The following ZMYND8 variants were observed in gnomAD, a reference collection of about 807,000 sequenced individuals.
The protein encoded by ZMYND8 is MYND-type zinc finger-containing chromatin reader ZMYND8.
In ZMYND8, 37 loss-of-function variants were observed where a neutral mutation model predicts 140.8. That is an observed-to-expected ratio of 0.26 (90% CI 0.20 to 0.35). The LOEUF (loss-of-function observed/expected upper bound fraction) is 0.35. Ranked by LOEUF, ZMYND8 falls within the 10% of genes least tolerant of loss-of-function variation. The pLI is 1.00. For synonymous variants in ZMYND8, 592 were observed against 597.1 expected, an observed-to-expected ratio of 0.99 and a Z score of 0.12; for missense variants, 1,068 against 1,570.0, an observed-to-expected ratio of 0.68 and a Z score of 5.40.
At chr20:47,301,044 A>G (rs1214680026) in intron 3 of ZMYND8, among the ~76,000 whole-genome samples, 1 of 151,794 alleles carries the variant, frequency 6.6e-6, no homozygotes, top group Non-Finnish European at 1.5e-5. Context: ...CTTGATGAAG[A>G]GCCTTGTAGA....
intron 8 of ZMYND8, among the ~76,000 whole-genome samples, chr20:47,286,598 G>A (rs2076937978): frequency 6.6e-6 from 1 of 152,108 alleles, no homozygotes; most frequent in Non-Finnish European, 1.5e-5. Context: ...TTTTCTTTAT[G>A]AATGAATGGG....
At chr20:47,305,387 C>T (rs919213923) in intron 3 of ZMYND8, among the ~76,000 whole-genome samples, 9 of 151,788 alleles carry the variant, frequency 5.9e-5, no homozygotes, top group Admixed American at 1.3e-4. Context: ...ATTACAGGTG[C>T]GCACCACCAT....
chr20:47,292,048 A>G (rs1284992871), intron 5 of ZMYND8, among the ~76,000 whole-genome samples, 160 bp from the exon 6 acceptor site: 1 of 152,212 alleles, frequency 6.6e-6, no homozygotes, highest in Non-Finnish European at 1.5e-5. Context: ...AAATTGGTCT[A>G]CCTTCTAATT....
chr20:47,318,289 C>T (rs951673653), intron 2 of ZMYND8, among the ~76,000 whole-genome samples: 2 of 152,160 alleles, frequency 1.3e-5, no homozygotes, highest in South Asian at 2.1e-4. Flanking sequence ...TTCGTAATCA[C>T]CAGTCCTCCC....
rs779149000 is a variant in ZMYND8 at position 47,262,332 on chromosome 20, G to A, written c.1577C>T (p.Thr526Met). ...GCTGCCGGTGGTGGAGGTTTTGTCC[G>A]TTTTCGTCGTGATAGGAGCTGACAG... is the stretch of plus-strand genomic sequence containing the variant. ...PQLSAPITTK[T>M]DKTSTTGSIL... The change falls in exon 12 of 23, where the codon ACG becomes ATG. Residue 526 changes from threonine (T) to methionine (M), a missense_variant. Physicochemically the swap from Thr to Met is moderately conservative, Grantham distance 81. Coordinates refer to ENST00000471951, the MANE Select transcript of ZMYND8 (RefSeq NM_001281775.3). 25 of 1,613,858 alleles carry A rather than the reference G, an allele frequency of 1.5e-5. No individual in the cohort carries two copies. The highest frequency in any genetic ancestry group is 5.3e-5 in the African/African-American group (4 of 74,848).
rs538253216 is a variant in ZMYND8 at position 47,281,218 on chromosome 20, C to G, written c.998+884G>C. On this transcript the variant is annotated intron_variant, in intron 10 of 22. Coordinates refer to ENST00000471951, the MANE Select transcript of ZMYND8 (RefSeq NM_001281775.3). Reference sequence around the variant, plus strand: ...CTTCTGACAGTGGACCATTGGGATTCCTAGTAAATGAGTTTGCAAATGACT... The same window carrying G: ...CTTCTGACAGTGGACCATTGGGATTGCTAGTAAATGAGTTTGCAAATGACT... Among the ~76,000 whole-genome samples, 32 of 152,322 alleles carry G rather than the reference C, an allele frequency of 2.1e-4. No homozygotes were observed. In the South Asian group the frequency reaches 6.6e-3, roughly 32 times the overall value.
chr20:47,235,927 G>A (rs1028950641), intron 16 of ZMYND8, among the ~76,000 whole-genome samples: 1 of 152,134 alleles, frequency 6.6e-6, no homozygotes, highest in African/African-American at 2.4e-5. Context: ...ATCTCACCTT[G>A]CCAGTCTCAT....
chr20:47,283,790 G>A (rs1314424697), intron 8 of ZMYND8, 142 bp from the exon 9 acceptor site: 11 of 771,426 alleles, frequency 1.4e-5, no homozygotes, highest in Non-Finnish European at 2.3e-5. Context: ...CAACCACTAT[G>A]TATCGCTCCC....
chr20:47,310,251 T>C, intron 2 of ZMYND8, 47 bp from the exon 3 acceptor site: 1 of 1,549,040 alleles, frequency 6.5e-7, no homozygotes, highest in Non-Finnish European at 8.7e-7. Flanking sequence ...CAGGGAGGCC[T>C]GGGCCCCACA....
chr20:47,345,065 C>T (rs1479891158), intron 2 of ZMYND8, among the ~76,000 whole-genome samples: 2 of 152,130 alleles, frequency 1.3e-5, no homozygotes, highest in African/African-American at 4.8e-5. Context: ...CTACAGTGAG[C>T]TTTGAGCCCA....
chr20:47,255,327 T>C (rs984815114), intron 12 of ZMYND8, among the ~76,000 whole-genome samples: 2 of 151,898 alleles, frequency 1.3e-5, no homozygotes, highest in Non-Finnish European at 2.9e-5. Flanking sequence ...GTCCTGTGCT[T>C]TGAAATTTTT....
At chr20:47,315,820 G>C in intron 2 of ZMYND8, among the ~76,000 whole-genome samples, 1 of 152,134 alleles carries the variant, frequency 6.6e-6, no homozygotes, top group East Asian at 1.9e-4. Flanking sequence ...ACCCCGCCCG[G>C]CTGGCTCACT....
At chr20:47,265,771 T>C (rs1440752376) in intron 11 of ZMYND8, among the ~76,000 whole-genome samples, 2 of 152,236 alleles carry the variant, frequency 1.3e-5, no homozygotes, top group African/African-American at 4.8e-5. Flanking sequence ...TATACATTCA[T>C]GTGTGCTAAA....
intron 2 of ZMYND8, among the ~76,000 whole-genome samples, chr20:47,317,484 G>A (rs2079503297): frequency 1.3e-5 from 2 of 152,144 alleles, no homozygotes; most frequent in African/African-American, 2.4e-5. Context: ...CCATTACAGG[G>A]AATTGTCTCC....
At chr20:47,356,256 G>A in intron 1 of ZMYND8, 1 of 928,348 alleles carries the variant, frequency 1.1e-6, no homozygotes, top group Non-Finnish European at 1.4e-6. Flanking sequence ...TGGCAAAAGA[G>A]AAGACAATAG....
chr20:47,352,296 G>A (rs1215431795), intron 1 of ZMYND8, among the ~76,000 whole-genome samples: 2 of 152,156 alleles, frequency 1.3e-5, no homozygotes, highest in Non-Finnish European at 2.9e-5. Flanking sequence ...AAGCTAAAGG[G>A]CTGCACCTCA....
intron 3 of ZMYND8, among the ~76,000 whole-genome samples, chr20:47,304,061 A>C (rs1357650950): frequency 1.3e-5 from 2 of 152,346 alleles, no homozygotes; most frequent in Admixed American, 6.5e-5. Flanking sequence ...CATTTTAAAA[A>C]GGGAAAGCAA....
At chr20:47,214,084 G>A (rs149286165) in intron 21 of ZMYND8, among the ~76,000 whole-genome samples, 1 of 152,166 alleles carries the variant, frequency 6.6e-6, no homozygotes, top group Non-Finnish European at 1.5e-5. Flanking sequence ...TACTGTCCTA[G>A]TACCTGATGC....
rs149553916 is a variant in ZMYND8 at position 47,248,012 on chromosome 20, T to C, written c.1774+1275A>G. Among the ~76,000 whole-genome samples the C allele has an allele frequency of 4.5e-3, 683 of 152,250 alleles. 4 individuals carry two copies. The highest frequency in any genetic ancestry group is 0.031 in the South Asian group (148 of 4,824). On this transcript the variant is annotated intron_variant, in intron 13 of 22. Coordinates refer to ENST00000471951, the MANE Select transcript of ZMYND8 (RefSeq NM_001281775.3). ...GGCTTGTGCTACTGGTAGGTAATGA[T>C]TGGAAACAAGAAGGAAAAGTGTAAG... is the stretch of plus-strand genomic sequence containing the variant.
Sources: allele counts gnomAD v4.1 joint callset (sites outside exome capture counted in the v4.1 genomes callset), GRCh38; gene constraint gnomAD v4.1.1; transcripts MANE v1.5; gene names NCBI Gene and HGNC (gene_info 2026-07-23, HGNC 2026-07-21).